The following NAA16 variants were observed in gnomAD, a reference collection of about 807,000 sequenced individuals.
NAA16 encodes the protein N-alpha-acetyltransferase 16, NatA auxiliary subunit, also known as NARG1-like protein.
Under a neutral mutation model 110.3 loss-of-function variants are expected in NAA16, and 97 were observed. The observed-to-expected ratio is 0.88, with a 90% CI of 0.75 to 1.04. The LOEUF (loss-of-function observed/expected upper bound fraction) is 1.04. NAA16 is among the 50% of genes least tolerant of loss of function. NAA16 has a pLI of 0.00. For missense variants in NAA16, 1,017 were observed against 1,005.1 expected, an observed-to-expected ratio of 1.01 and a Z score of -0.16; for synonymous variants, 372 against 330.6, an observed-to-expected ratio of 1.13 and a Z score of -1.36.
chr13:41,373,259 G>GT (rs2043357941), intron 17 of NAA16: 4 of 756,938 alleles, frequency 5.3e-6, no homozygotes, highest in Non-Finnish European at 6.4e-6. Flanking sequence ...TTGTTGTTGT[G>GT]TTTTTTGTTT....
chr13:41,351,342 T>C (rs1393140414), intron 9 of NAA16, among the ~76,000 whole-genome samples: 1 of 152,222 alleles, frequency 6.6e-6, no homozygotes, highest in Non-Finnish European at 1.5e-5. Flanking sequence ...TCATTGTTCT[T>C]GGACAGTTTA....
intron 1 of NAA16, among the ~76,000 whole-genome samples, 172 bp downstream of exon 1, chr13:41,311,754 G>A (rs932541872): frequency 1.3e-5 from 2 of 152,192 alleles, no homozygotes; most frequent in African/African-American, 4.8e-5. Flanking sequence ...CGGCCCACGG[G>A]GGCTGCCGAG....
intron 1 of NAA16, among the ~76,000 whole-genome samples, chr13:41,316,179 G>A (rs1041517232): frequency 1.3e-5 from 2 of 152,156 alleles, no homozygotes; most frequent in African/African-American, 4.8e-5. Flanking sequence ...GCCCAGGCTG[G>A]AGTGCAGTGG....
At chr13:41,375,283 AG>A in intron 19 of NAA16, 121 bp from the exon 20 acceptor site, 1 of 637,872 alleles carries the variant, frequency 1.6e-6, no homozygotes, top group Non-Finnish European at 2.6e-6. Context: ...GTAGATTGTA[AG>A]GCATTATTTT....
At chr13:41,325,958 T>C in intron 6 of NAA16, 107 bp downstream of exon 6, 1 of 843,264 alleles carries the variant, frequency 1.2e-6, no homozygotes, top group Non-Finnish European at 1.7e-6. Flanking sequence ...TCTGGCAAGG[T>C]TCCAAACACG....
At chr13:41,352,369 T>C (rs981782945) in intron 9 of NAA16, among the ~76,000 whole-genome samples, 4 of 150,904 alleles carry the variant, frequency 2.7e-5, no homozygotes, top group African/African-American at 9.7e-5. Flanking sequence ...TAACTATAAA[T>C]TTTGGCTTGG....
intron 6 of NAA16, among the ~76,000 whole-genome samples, chr13:41,326,531 T>G (rs1343057452): frequency 6.6e-6 from 1 of 152,202 alleles, no homozygotes; most frequent in Non-Finnish European, 1.5e-5. Flanking sequence ...CTTAAATTGC[T>G]TTATTTCATT....
At chr13:41,320,879 C>T (rs2041928531) in intron 4 of NAA16, 55 bp downstream of exon 4, 4 of 1,470,248 alleles carry the variant, frequency 2.7e-6, no homozygotes, top group South Asian at 2.7e-5. Flanking sequence ...AATTTAAGAG[C>T]GTGTCATTTC....
At chr13:41,373,910 T>A in intron 18 of NAA16, 130 bp downstream of exon 18, 1 of 1,374,314 alleles carries the variant, frequency 7.3e-7, no homozygotes, top group Non-Finnish European at 9.4e-7. Flanking sequence ...TGTGGACAAA[T>A]TTAAGTTATG....
chr13:41,340,187 C>T (rs1343148508), intron 9 of NAA16, among the ~76,000 whole-genome samples: 2 of 152,070 alleles, frequency 1.3e-5, no homozygotes, highest in Non-Finnish European at 2.9e-5. Context: ...TATACATTTG[C>T]TTACTTGTTT....
Position 41,362,098 on chromosome 13 carries a change from C to G in NAA16, c.1478C>G (p.Ser493Ter). The change falls in exon 13 of 20, where the codon TCA becomes TGA. Residue 493 changes from serine to a stop codon, truncating the protein, a stop_gained. Coordinates refer to ENST00000379406, the MANE Select transcript of NAA16 (RefSeq NM_024561.5). LOFTEE classifies it high-confidence loss of function. ...ATGTGGTTTCAGACAGAATGCATTT[C>G]AGCTTATCAGCGTCTGGGGAGATAC... Reference protein sequence around the residue: ...QCMWFQTECISAYQRLGRYGD... With the variant: ...QCMWFQTECI 6.2e-7 allele frequency: 1 copy of G among 1,609,826 alleles called. No individual in the cohort carries two copies. Among genetic ancestry groups the G allele is most frequent in the Non-Finnish European group, 8.5e-7 (1 of 1,178,464 alleles).
At position 41,321,811 on chromosome 13, in the gene NAA16, T is replaced by C. The variant is rs2041953993; in HGVS notation, c.402+987T>C. Among the ~76,000 whole-genome samples, 2 of 152,190 alleles carry C rather than the reference T, an allele frequency of 1.3e-5. 1 individual carries two copies. The highest frequency in any genetic ancestry group is 4.1e-4 in the South Asian group (2 of 4,832). On this transcript the variant is annotated intron_variant, in intron 4 of 19. Transcript: ENST00000379406. ...AAGGAGGCCACTAGGTTCTAACAGT[T>C]TTCTTTAAATACATTATTTATATAC... is the stretch of plus-strand genomic sequence containing the variant.
intron 9 of NAA16, among the ~76,000 whole-genome samples, chr13:41,346,856 A>T (rs1226459581): frequency 6.6e-6 from 1 of 152,178 alleles, no homozygotes; most frequent in African/African-American, 2.4e-5. Flanking sequence ...TATACAAGAA[A>T]AGCTAAAAGT....
intron 6 of NAA16, chr13:41,327,833 G>C (rs2042133135): frequency 6.6e-6 from 1 of 151,814 alleles, no homozygotes; most frequent in African/African-American, 2.4e-5. Context: ...AAACTAGTTA[G>C]TGGTGGAGTT....
intron 6 of NAA16, 69 bp from the exon 7 acceptor site, chr13:41,328,646 GATAATGTTT>G: frequency 8.3e-7 from 1 of 1,206,730 alleles, no homozygotes; most frequent in Non-Finnish European, 1.2e-6. Context: ...TCTGTTCACT[GATAATGTTT>G]AGTGAAGTCC....
Position 41,372,321 on chromosome 13 carries a change from AGTTT to A in NAA16, c.2056+12_2056+15del, listed in dbSNP as rs779777915. On this transcript the variant is annotated intron_variant, in intron 16 of 19. Coordinates refer to ENST00000379406, the MANE Select transcript of NAA16 (RefSeq NM_024561.5). ...ATATATTTTAGAAAAGGTAATAAATAGTTTGAGTTCAGTTTTTAATCTTTAATTA... is the reference window on the plus strand; with the variant it reads ...ATATATTTTAGAAAAGGTAATAAATAGAGTTCAGTTTTTAATCTTTAATTA... 1.9e-6 allele frequency: 3 copies of A among 1,561,156 alleles called. No homozygotes were observed. The highest frequency in any genetic ancestry group is 2.6e-6 in the Non-Finnish European group (3 of 1,156,876).
At position 41,323,070 on chromosome 13, in the gene NAA16, GCTT is replaced by G; in HGVS notation, c.422_424del (p.Leu141del). The G allele has an allele frequency of 1.2e-6, 2 of 1,613,646 alleles. No homozygotes were observed. The highest frequency in any genetic ancestry group is 1.7e-5 in the Admixed American group (1 of 59,890). ...TTTTTTTTTAGGAGACAAGATACCA[GCTT>G]CTTCAGTTGCGCCCCACACAGCGTG... On this transcript the variant is annotated inframe_deletion, in exon 5 of 20. Transcript: ENST00000379406.
rs555515584 is a variant in NAA16, at chr13:41,345,479, G to A, written c.1014+8723G>A. 9.9e-5 allele frequency among the ~76,000 whole-genome samples: 15 copies of A among 152,110 alleles called. No individual in the cohort carries two copies. In the South Asian group the frequency reaches 2.1e-3, roughly 21 times the overall value. On this transcript the variant is annotated intron_variant, in intron 9 of 19. Coordinates refer to ENST00000379406, the MANE Select transcript of NAA16 (RefSeq NM_024561.5). ...ATTGGCCTTTGTATATGTTCTTTGG[G>A]GAAATGTCATTAATTTTCTTTGCCC...
At chr13:41,317,036 A>C (rs2483103) in intron 2 of NAA16, 106 bp downstream of exon 2, 2 of 742,150 alleles carry the variant, frequency 2.7e-6, no homozygotes, top group Non-Finnish European at 4.7e-6. Flanking sequence ...GCAGTTCTCT[A>C]TTAGAGTGCA....
Sources: allele counts gnomAD v4.1 joint callset (sites outside exome capture counted in the v4.1 genomes callset), GRCh38; gene constraint gnomAD v4.1.1; transcripts MANE v1.5; gene names NCBI Gene and HGNC (gene_info 2026-07-23, HGNC 2026-07-21).